The following ADGRL2 variants were observed in gnomAD, a reference collection of about 807,000 sequenced individuals.
ADGRL2 encodes adhesion G protein-coupled receptor L2.
In ADGRL2, 44 loss-of-function variants were observed where a neutral mutation model predicts 157.4. The ratio of observed to expected loss-of-function variants is 0.28; its 90% confidence interval spans 0.22 to 0.36. The LOEUF is 0.36. Ranked by LOEUF, ADGRL2 falls within the 10% of genes least tolerant of loss-of-function variation. The pLI is 1.00. For missense variants in ADGRL2, 1,510 were observed against 1,768.9 expected (o/e 0.85, Z 2.63); for synonymous variants, 585 against 624.7 (o/e 0.94, Z 0.95).
chr1:81,402,668 T>G (rs72939051), intron 1 of ADGRL2, among the ~76,000 whole-genome samples: 18,268 of 152,254 alleles, frequency 0.12, 2,010 homozygotes, highest in African/African-American at 0.29. Flanking sequence ...AAGTTGACCT[T>G]GTTTTTCCTA....
At chr1:81,417,324 T>A (rs2077050027) in intron 1 of ADGRL2, among the ~76,000 whole-genome samples, 1 of 152,174 alleles carries the variant, frequency 6.6e-6, no homozygotes, top group Non-Finnish European at 1.5e-5. Context: ...ATTATAATGA[T>A]AATTTATAAT....
At chr1:81,910,354 A>C (rs1004881276) in intron 3 of ADGRL2, among the ~76,000 whole-genome samples, 1 of 151,714 alleles carries the variant, frequency 6.6e-6, no homozygotes, top group Non-Finnish European at 1.5e-5. Context: ...TCCTGAGTTG[A>C]AAGGTAAACT....
chr1:81,659,206 T>G (rs145024349), intron 3 of ADGRL2, among the ~76,000 whole-genome samples: 19 of 151,932 alleles, frequency 1.3e-4, no homozygotes, highest in African/African-American at 4.6e-4. Context: ...GGATTACAGG[T>G]ATGCACCATC....
intron 1 of ADGRL2, among the ~76,000 whole-genome samples, chr1:81,820,451 G>T (rs1199092547): frequency 6.6e-6 from 1 of 152,080 alleles, no homozygotes; most frequent in African/African-American, 2.4e-5. Flanking sequence ...AATGCTTATT[G>T]TTGTCATTAT....
intron 1 of ADGRL2, among the ~76,000 whole-genome samples, chr1:81,700,150 A>C (rs1351176417): frequency 6.6e-6 from 1 of 152,194 alleles, no homozygotes; most frequent in Non-Finnish European, 1.5e-5. Context: ...CCTTTATTCA[A>C]GATTTAAATT....
intron 1 of ADGRL2, among the ~76,000 whole-genome samples, chr1:81,349,228 C>T (rs1662698103): frequency 6.6e-6 from 1 of 152,284 alleles, no homozygotes; most frequent in South Asian, 2.1e-4. Flanking sequence ...CTGCATTCCT[C>T]ACTCTACAGC....
chr1:81,943,301 A>C lies in ADGRL2; in HGVS notation c.742A>C (p.Ile248Leu). The change falls in exon 6 of 24, where the codon ATA (isoleucine) becomes CTA (leucine). Residue 248 changes from isoleucine to leucine, a missense_variant. This residue lies in a region of ADGRL2 where 361 missense variants were observed against 498.4 expected (regional missense o/e 0.72). Transcript: ENST00000686636. The surrounding 1 kb of genome is among the most constrained non-coding windows in gnomAD (Gnocchi z 5.6). ...LRTRIKSGEA[I>L]INYANYHDTS... is the part of the protein sequence containing the mutation. Reference sequence around the variant, plus strand: ...GACTAGAATTAAGAGTGGCGAGGCCATAATTAACTATGCCAACTACCATGA... The same window carrying C: ...GACTAGAATTAAGAGTGGCGAGGCCCTAATTAACTATGCCAACTACCATGA... 1 of 1,613,634 alleles carries C rather than the reference A, an allele frequency of 6.2e-7. No homozygotes were observed.
chr1:81,947,132 G>C (rs187771840), intron 6 of ADGRL2, among the ~76,000 whole-genome samples: 1 of 151,946 alleles, frequency 6.6e-6, no homozygotes, highest in East Asian at 1.9e-4. Context: ...TGCATGATAC[G>C]GCATCCGGAT....
At chr1:81,709,405 C>A (rs1233456697) in intron 1 of ADGRL2, among the ~76,000 whole-genome samples, 1 of 152,020 alleles carries the variant, frequency 6.6e-6, no homozygotes, top group Non-Finnish European at 1.5e-5. Context: ...TTCAGTGAGA[C>A]TAAAAAAATG....
chr1:81,586,404 T>C (rs1487904498), intron 3 of ADGRL2: 4 of 152,032 alleles, frequency 2.6e-5, no homozygotes, highest in Non-Finnish European at 5.9e-5. Flanking sequence ...ATGAATATTA[T>C]TAGGCCAGAG....
At chr1:81,979,996 A>G (rs1661210898) in intron 18 of ADGRL2, 36 bp downstream of exon 18, 1 of 1,133,628 alleles carries the variant, frequency 8.8e-7, no homozygotes, top group African/African-American at 1.5e-5. Context: ...ATACTTGACA[A>G]ACTAAGTAAA....
intron 2 of ADGRL2, among the ~76,000 whole-genome samples, chr1:81,777,872 A>T (rs2086648729): frequency 6.6e-6 from 1 of 152,182 alleles, no homozygotes; most frequent in Non-Finnish European, 1.5e-5. Flanking sequence ...ATGCCTTCTC[A>T]TAGCTTTATC....
At chr1:81,926,948 A>G (rs2095121206) in intron 3 of ADGRL2, among the ~76,000 whole-genome samples, 1 of 152,050 alleles carries the variant, frequency 6.6e-6, no homozygotes, top group Non-Finnish European at 1.5e-5. Flanking sequence ...TCTAAAACAT[A>G]GAAAGTTGTT....
intron 3 of ADGRL2, among the ~76,000 whole-genome samples, chr1:81,931,071 C>T (rs939062838): frequency 2.0e-5 from 3 of 152,134 alleles, no homozygotes; most frequent in Non-Finnish European, 4.4e-5. Flanking sequence ...ATTGCTTGAC[C>T]CCGGGAGGCC....
At chr1:81,509,790 G>T (rs1176768253) in intron 2 of ADGRL2, among the ~76,000 whole-genome samples, 1 of 152,300 alleles carries the variant, frequency 6.6e-6, no homozygotes, top group East Asian at 1.9e-4. Flanking sequence ...TGAATTGTTT[G>T]CACCAGCCAT....
chr1:81,507,485 C>T (rs1030949799), intron 2 of ADGRL2, among the ~76,000 whole-genome samples: 5 of 152,278 alleles, frequency 3.3e-5, no homozygotes, highest in African/African-American at 9.6e-5. Context: ...TGATTAGTGA[C>T]ATTTTGCATG....
chr1:81,463,833 T>C (rs2077993183), intron 2 of ADGRL2, among the ~76,000 whole-genome samples: 1 of 152,222 alleles, frequency 6.6e-6, no homozygotes, highest in South Asian at 2.1e-4. Flanking sequence ...CTTGGTGTCA[T>C]TGTTTATTGC....
chr1:81,784,217 T>C (rs2086933490), intron 2 of ADGRL2, among the ~76,000 whole-genome samples: 1 of 152,234 alleles, frequency 6.6e-6, no homozygotes, highest in Admixed American at 6.5e-5. Context: ...ACAGATCTTT[T>C]TCAAGGTAAT....
At chr1:81,546,602 C>T (rs1260933336) in intron 2 of ADGRL2, among the ~76,000 whole-genome samples, 1 of 152,192 alleles carries the variant, frequency 6.6e-6, no homozygotes, top group African/African-American at 2.4e-5. Flanking sequence ...CTTCATAATT[C>T]CACATCCACT....
Sources: allele counts gnomAD v4.1 joint callset (sites outside exome capture counted in the v4.1 genomes callset), GRCh38; gene constraint gnomAD v4.1.1; regional missense constraint gnomAD v4.1.1; non-coding constraint Gnocchi (gnomAD v3.1); transcripts MANE v1.5; gene names NCBI Gene and HGNC (gene_info 2026-07-23, HGNC 2026-07-21).